Variants in PIAS3 observed in about 807,000 individuals in gnomAD.
PIAS3 encodes E3 SUMO-protein ligase PIAS3.
A neutral mutation model predicts 67.6 loss-of-function variants in PIAS3; 34 were observed. That is an observed-to-expected ratio of 0.50 (90% confidence interval 0.38 to 0.67). The LOEUF (loss-of-function observed/expected upper bound fraction) is 0.67. Ranked by LOEUF, PIAS3 falls within the 30% of genes least tolerant of loss-of-function variation. The pLI is 0.00. For synonymous variants in PIAS3, 341 were observed against 313.8 expected (o/e 1.09, Z -0.92); for missense variants, 693 against 791.6 (o/e 0.88, Z 1.49).
intron 1 of PIAS3, among the ~76,000 whole-genome samples, chr1:145,857,806 T>C (rs1213169535): frequency 2.0e-5 from 3 of 152,164 alleles, no homozygotes; most frequent in Non-Finnish European, 4.4e-5. Context: ...GCATCTCTCC[T>C]ACACAGAGAA....
chr1:145,856,989 G>A lies in PIAS3; in HGVS notation c.42C>T (p.Phe14=), dbSNP rs782441875. Residue 14 remains phenylalanine, a synonymous_variant, in exon 2 of 14, where the codon TTC becomes TTT. Transcript: ENST00000393045. ...LGELKHMVMS[F]RVSELQVLLG... is the part of the protein sequence containing the mutation. ...GAAGCACCTGGAGCTCAGACACCCGGAAACTCATCACCATGTGCTGTGGAG... is the reference window on the plus strand; with the variant it reads ...GAAGCACCTGGAGCTCAGACACCCGAAAACTCATCACCATGTGCTGTGGAG... 1.2e-6 allele frequency: 2 copies of A among 1,614,096 alleles called. No individual in the cohort carries two copies. The highest frequency in any genetic ancestry group is 8.5e-7 in the Non-Finnish European group (1 of 1,179,978).
chr1:145,854,449 G>A lies in PIAS3; in HGVS notation c.910+9C>T, dbSNP rs375046578. On this transcript the variant is annotated intron_variant, in intron 7 of 13. Transcript: ENST00000393045. ...ATCAGGTGGGGAAGAGAGGAAAGAT[G>A]TTACTCACTCAGTGCCCGCGAGTGG... The A allele has an allele frequency of 3.4e-5, 53 of 1,579,284 alleles. No individual in the cohort carries two copies. In the African/African-American group the frequency reaches 5.8e-4, roughly 17 times the overall value.
Position 145,854,798 on chromosome 1 carries a change from G to GTTCCCA in PIAS3, c.751_752insTGGGAA (p.Ser251delinsLeuGlyThr). The GTTCCCA allele has an allele frequency of 6.2e-7, 1 of 1,614,192 alleles. No individual in the cohort carries two copies. The highest frequency in any genetic ancestry group is 8.5e-7 in the Non-Finnish European group (1 of 1,180,002). ...CACAATGGTGTTGGGAACAGTGGCT[G>GTTCCCA]AGAGTCGAGCCAGGGGTGTGATGTT... On this transcript the variant is annotated protein_altering_variant, in exon 6 of 14. Transcript: ENST00000393045.
intron 5 of PIAS3, among the ~76,000 whole-genome samples, chr1:145,855,180 C>G (rs1477191783): frequency 1.3e-5 from 2 of 152,142 alleles, no homozygotes; most frequent in Non-Finnish European, 2.9e-5. Context: ...TAACTCTCAG[C>G]TCTGGGGTCA....
Position 145,849,312 on chromosome 1 carries a change from A to C in PIAS3, c.*134T>G. ...GGCCTTGTCAGGCAGAGATGAGGCC[A>C]AAAGTAGGCATCTGTGAAGGTCTGT... On this transcript the variant is annotated 3_prime_UTR_variant, in exon 14 of 14. Coordinates refer to ENST00000393045, the MANE Select transcript of PIAS3 (RefSeq NM_006099.3). 1 of 911,468 alleles carries C rather than the reference A, an allele frequency of 1.1e-6. No homozygotes were observed. Among genetic ancestry groups the C allele is most frequent in the East Asian group, 3.0e-5 (1 of 33,894 alleles). 56.5% of individuals were successfully genotyped at this position (911,468 alleles called of 1,614,324 possible).
At chr1:145,850,309 A>T in intron 12 of PIAS3, 40 bp from the exon 13 acceptor site, 1 of 1,613,910 alleles carries the variant, frequency 6.2e-7, no homozygotes, top group Non-Finnish European at 8.5e-7. Context: ...CTCCTATCTG[A>T]CCCCTTTACC....
At chr1:145,849,961 G>T in intron 13 of PIAS3, 1 of 1,422,744 alleles carries the variant, frequency 7.0e-7, no homozygotes, top group Non-Finnish European at 9.1e-7. Flanking sequence ...TGGAATGTCC[G>T]GTTAGAGCAG....
At position 145,851,160 on chromosome 1, in the gene PIAS3, G is replaced by A; in HGVS notation, c.1146-7C>T. 3.7e-6 allele frequency: 6 copies of A among 1,613,226 alleles called. No individual in the cohort carries two copies. Among genetic ancestry groups the A allele is most frequent in the Non-Finnish European group, 5.1e-6 (6 of 1,179,166 alleles). ...AAGAATCTCCATAAATAAACTGGGG[G>A]AAGAGAGAGATGAAAATTCACGGGG... On this transcript the variant is annotated splice_polypyrimidine_tract_variant and splice_region_variant and intron_variant, in intron 9 of 13. Coordinates refer to ENST00000393045, the MANE Select transcript of PIAS3 (RefSeq NM_006099.3).
Position 145,849,651 on chromosome 1 carries a change from T to A in PIAS3, c.1682A>T (p.Gln561Leu). 5.6e-6 allele frequency: 9 copies of A among 1,612,896 alleles called. No homozygotes were observed. The highest frequency in any genetic ancestry group is 7.6e-6 in the Non-Finnish European group (9 of 1,179,484). ...DEQDALGHFF[Q>L]YRGTPSHFLG... ...AAAGTGAGAAGGGGTCCCTCGGTAC[T>A]GGAAGAAGTGGCCAAGGGCATCCTG... Residue 561 changes from glutamine (Q) to leucine (L), a missense_variant, in exon 14 of 14, where the codon CAG becomes CTG. Gln to Leu is a moderately radical substitution (Grantham distance 113, BLOSUM62 -2). This residue lies in a region of PIAS3 where 270 missense variants were observed against 261.0 expected (regional missense o/e 1.03). Transcript: ENST00000393045.
At position 145,851,000 on chromosome 1, in the gene PIAS3, G is replaced by A. The variant is rs782781502; in HGVS notation, c.1279+20C>T. ...GGCCATCCAAGATTTAGCTTAGCTG[G>A]GGAACAGGGGGTCACTCACCATCCA... is the stretch of plus-strand genomic sequence containing the variant. On this transcript the variant is annotated intron_variant, in intron 10 of 13. Coordinates refer to ENST00000393045, the MANE Select transcript of PIAS3 (RefSeq NM_006099.3). The A allele has an allele frequency of 6.2e-7, 1 of 1,614,158 alleles. No homozygotes were observed. The highest frequency in any genetic ancestry group is 1.1e-5 in the South Asian group (1 of 91,084).
In PIAS3 at chr1:145,856,765, G is replaced by A; in HGVS notation, c.266C>T (p.Ser89Phe). ...GGGAATGGGAGCTAGAGGACCAGGG[G>A]AGCCTACAGGAGAGGTGCCAGGGGG... is the stretch of plus-strand genomic sequence containing the variant. ...SLPPGTSPVG[S>F]PGPLAPIPPT... The change falls in exon 2 of 14, where the codon TCC becomes TTC. Residue 89 changes from serine (S) to phenylalanine (F), a missense_variant. Around this residue, in one of 3 missense-constraint regions of PIAS3, gnomAD observed 308 missense variants for 348.8 expected, o/e 0.88. Coordinates refer to ENST00000393045, the MANE Select transcript of PIAS3 (RefSeq NM_006099.3). The A allele has an allele frequency of 1.9e-6, 3 of 1,614,056 alleles. No individual in the cohort carries two copies. Among genetic ancestry groups the A allele is most frequent in the Non-Finnish European group, 2.5e-6 (3 of 1,179,980 alleles).
At chr1:145,857,274 G>C (rs1227636726) in intron 1 of PIAS3, 2 of 503,868 alleles carry the variant, frequency 4.0e-6, no homozygotes, top group Admixed American at 3.2e-5. Context: ...CAGCCAGAGT[G>C]GGGCAGGGAA....
intron 12 of PIAS3, 30 bp from the exon 13 acceptor site, chr1:145,850,299 C>T (rs782444360): frequency 6.2e-7 from 1 of 1,614,018 alleles, no homozygotes; most frequent in African/African-American, 1.3e-5. Flanking sequence ...CAAAATTAAC[C>T]TCCTATCTGA....
At chr1:145,856,243 A>G in intron 3 of PIAS3, 104 bp downstream of exon 3, 3 of 1,243,844 alleles carry the variant, frequency 2.4e-6, no homozygotes, top group Non-Finnish European at 3.6e-6. Context: ...AGAACAAGAG[A>G]CAAGTAGGTA....
At chr1:145,858,219 A>G (rs1018461727) in intron 1 of PIAS3, among the ~76,000 whole-genome samples, 1 of 151,248 alleles carries the variant, frequency 6.6e-6, no homozygotes, top group African/African-American at 2.4e-5. Flanking sequence ...TTTGTCTTGG[A>G]CCCCTTTTAT....
At position 145,849,706 on chromosome 1, in the gene PIAS3, C is replaced by A; in HGVS notation, c.1627G>T (p.Gly543Cys). 1.3e-6 allele frequency: 2 copies of A among 1,599,326 alleles called. No individual in the cohort carries two copies. Among genetic ancestry groups the A allele is most frequent in the Admixed American group, 1.8e-5 (1 of 57,024 alleles). The change falls in exon 14 of 14, where the codon GGC (glycine) becomes TGC (cysteine). Residue 543 changes from glycine to cysteine, a missense_variant. Coordinates refer to ENST00000393045, the MANE Select transcript of PIAS3 (RefSeq NM_006099.3). ...TCTAGTGAGGTGATGACAGAGGGGC[C>A]ATAGTGCTAGGAAGAATCAAGGGCA... Reference protein sequence around the residue: ...SFLQTESQHYGPSVITSLDEQ... With the variant: ...SFLQTESQHYCPSVITSLDEQ...
In PIAS3 at chr1:145,849,670, CAT is replaced by C; in HGVS notation, c.1661_1662del (p.Asp554GlyfsTer89). On this transcript the variant is annotated frameshift_variant, in exon 14 of 14. Coordinates refer to ENST00000393045, the MANE Select transcript of PIAS3 (RefSeq NM_006099.3). LOFTEE classifies it high-confidence loss of function. ...CGGTACTGGAAGAAGTGGCCAAGGG[CAT>C]CCTGTTCATCTAGTGAGGTGATGAC... Reference protein sequence around the residue: ...PSVITSLDEQDALGHFFQYRG... With the variant: ...PSVITSLDEQXALGHFFQYRG... The C allele has an allele frequency of 6.2e-7, 1 of 1,611,976 alleles. No individual in the cohort carries two copies. Among genetic ancestry groups the C allele is most frequent in the Non-Finnish European group, 8.5e-7 (1 of 1,178,976 alleles).
intron 8 of PIAS3, 44 bp downstream of exon 8, chr1:145,853,769 C>T: frequency 6.2e-7 from 1 of 1,609,268 alleles, no homozygotes; most frequent in South Asian, 1.1e-5. Flanking sequence ...ACAGGCTAAA[C>T]CCAACTCCCT....
intron 12 of PIAS3, 75 bp downstream of exon 12, chr1:145,850,378 G>A (rs1048677393): frequency 2.0e-5 from 32 of 1,610,848 alleles, no homozygotes; most frequent in Middle Eastern, 3.3e-4. Context: ...GAGGCTTTGA[G>A]AAGGAACAGG....
Sources: gnomAD v4.1 joint callset for allele counts (sites outside exome capture counted in the v4.1 genomes callset) on GRCh38, gnomAD v4.1.1 for gene constraint, gnomAD v4.1.1 regional missense constraint, MANE v1.5 for transcripts, NCBI Gene and HGNC (gene_info 2026-07-23, HGNC 2026-07-21) for gene names.